Variants in CHCHD3 observed in about 807,000 individuals in gnomAD.
CHCHD3 encodes MICOS complex subunit MIC19.
A neutral mutation model predicts 38.2 loss-of-function variants in CHCHD3; 20 were observed. The ratio of observed to expected loss-of-function variants is 0.52; its 90% CI spans 0.37 to 0.76. The LOEUF (loss-of-function observed/expected upper bound fraction) is 0.76. Among genes scored for constraint, CHCHD3 ranks in the 30% least tolerant of loss-of-function variants. The probability of loss-of-function intolerance (pLI) is 0.00; values close to 1 mark genes in which losing one functional copy is unlikely to be tolerated. For synonymous variants in CHCHD3, 82 were observed against 100.0 expected (o/e 0.82, Z 1.07); for missense variants, 245 against 279.2 (o/e 0.88, Z 0.87).
At chr7:132,997,659 T>TAAAAAAAAAAAAAAAA (rs71178073) in intron 3 of CHCHD3, among the ~76,000 whole-genome samples, 2 of 81,740 alleles carry the variant, frequency 2.4e-5, no homozygotes, top group African/African-American at 4.8e-5. Flanking sequence ...AACAGGGTTG[T>TAAAAAAAAAAAAAAAA]AAAAAAAAAA....
intron 2 of CHCHD3, among the ~76,000 whole-genome samples, chr7:133,066,519 T>C (rs1381093706): frequency 1.3e-5 from 2 of 151,906 alleles, no homozygotes; most frequent in Non-Finnish European, 2.9e-5. Context: ...CCTCTCAAAG[T>C]GATGGGATTA....
chr7:133,050,620 T>A (rs1814135861), intron 2 of CHCHD3, among the ~76,000 whole-genome samples: 1 of 152,152 alleles, frequency 6.6e-6, no homozygotes. Flanking sequence ...TGAACATAGA[T>A]AGAACAACTC....
chr7:132,959,876 T>A (rs1158089229), intron 4 of CHCHD3, among the ~76,000 whole-genome samples: 3 of 152,134 alleles, frequency 2.0e-5, no homozygotes, highest in Non-Finnish European at 4.4e-5. Flanking sequence ...AAATACCCCC[T>A]TTCATAAATC....
intron 4 of CHCHD3, chr7:132,972,861 T>A (rs2117327876): frequency 1.0e-6 from 1 of 985,382 alleles, no homozygotes; most frequent in Middle Eastern, 5.2e-4. Context: ...GATCTACAAA[T>A]CAGAATGTAC....
chr7:132,805,451 C>A (rs1215420330), intron 6 of CHCHD3, among the ~76,000 whole-genome samples: 5 of 151,934 alleles, frequency 3.3e-5, no homozygotes, highest in Non-Finnish European at 7.4e-5. Flanking sequence ...GAGGTCCAGG[C>A]TCAATCGAGT....
intron 6 of CHCHD3, among the ~76,000 whole-genome samples, chr7:132,808,942 C>A (rs1381911259): frequency 6.9e-6 from 1 of 144,428 alleles, no homozygotes; most frequent in Non-Finnish European, 1.5e-5. Flanking sequence ...GAACAAAAAA[C>A]CTTTTTTTAA....
chr7:132,838,059 CTA>C (rs1807835068), intron 6 of CHCHD3, among the ~76,000 whole-genome samples: 1 of 152,146 alleles, frequency 6.6e-6, no homozygotes, highest in African/African-American at 2.4e-5. Flanking sequence ...TGAATGGTTT[CTA>C]TGTTTCCCTT....
intron 5 of CHCHD3, among the ~76,000 whole-genome samples, chr7:132,858,390 A>C (rs1454677751): frequency 6.6e-6 from 1 of 151,962 alleles, no homozygotes; most frequent in Non-Finnish European, 1.5e-5. Context: ...CTTTAGTTTC[A>C]CTTCTCTTGA....
intron 4 of CHCHD3, among the ~76,000 whole-genome samples, chr7:132,951,902 C>A (rs778644795): frequency 3.3e-5 from 5 of 152,152 alleles, no homozygotes; most frequent in Non-Finnish European, 5.9e-5. Flanking sequence ...TAAATCATGT[C>A]TTTTGTCTCT....
chr7:132,890,354 A>G (rs1936837743), intron 4 of CHCHD3, among the ~76,000 whole-genome samples: 1 of 152,198 alleles, frequency 6.6e-6, no homozygotes, highest in Non-Finnish European at 1.5e-5. Context: ...TTATGAATAT[A>G]ACATACTGGG....
At chr7:133,070,292 A>T in intron 1 of CHCHD3, 63 bp from the exon 2 acceptor site, 2 of 1,351,886 alleles carry the variant, frequency 1.5e-6, no homozygotes, top group Middle Eastern at 1.8e-4. Context: ...CCAGTGCAAT[A>T]ACATCCAAGT....
rs553513789 is a variant in CHCHD3 at position 133,082,033 on chromosome 7, T to C, written c.-96A>G. On this transcript the variant is annotated 5_prime_UTR_variant, in exon 1 of 8. Transcript: ENST00000262570. ...GCGCGTGGAAGGGCCTGGATTCTTT[T>C]CCCGCACAGCGGGAGCAAGGCCACG... The C allele has an allele frequency of 5.1e-6, 6 of 1,169,536 alleles. No individual in the cohort carries two copies. The South Asian group carries it at 8.0e-5, about 16-fold the overall frequency. The allele number at this position is 1,169,536 out of a possible 1,614,324, so 72.4% of individuals were successfully genotyped here.
At chr7:132,979,380 T>C (rs1811857806) in intron 3 of CHCHD3, among the ~76,000 whole-genome samples, 1 of 152,148 alleles carries the variant, frequency 6.6e-6, no homozygotes, top group Non-Finnish European at 1.5e-5. Flanking sequence ...AATTACTAGG[T>C]GAAAGGGACT....
At chr7:133,032,372 C>A (rs1235086237) in intron 2 of CHCHD3, among the ~76,000 whole-genome samples, 1 of 152,124 alleles carries the variant, frequency 6.6e-6, no homozygotes, top group Non-Finnish European at 1.5e-5. Context: ...AATGAAAGTT[C>A]TGCACTGCAC....
rs114020851 is a variant in CHCHD3 at position 133,041,952 on chromosome 7, T to G, written c.170-17325A>C. Among the ~76,000 whole-genome samples the G allele has an allele frequency of 2.4e-3, 367 of 152,290 alleles. 1 individual carries two copies. Among genetic ancestry groups the G allele is most frequent in the African/African-American group, 7.9e-3 (330 of 41,560 alleles). Reference sequence around the variant, plus strand: ...CTATCAGCTAAAAAATAAACATAGTTCAGGTCTAAAGCAGTCTGCCTGGGC... The same window carrying G: ...CTATCAGCTAAAAAATAAACATAGTGCAGGTCTAAAGCAGTCTGCCTGGGC... On this transcript the variant is annotated intron_variant, in intron 2 of 7. Coordinates refer to ENST00000262570, the MANE Select transcript of CHCHD3 (RefSeq NM_017812.4).
At chr7:132,885,512 G>A (rs1247935315) in intron 5 of CHCHD3, 150 bp downstream of exon 5, 3 of 595,766 alleles carry the variant, frequency 5.0e-6, no homozygotes, top group East Asian at 3.2e-5. Context: ...TTGTTACAGA[G>A]GACGAACTAA....
chr7:132,990,310 G>A (rs1378182823), intron 3 of CHCHD3, among the ~76,000 whole-genome samples: 1 of 152,120 alleles, frequency 6.6e-6, no homozygotes, highest in East Asian at 1.9e-4. Flanking sequence ...CACTGGAATG[G>A]GCACTGCTGC....
chr7:132,971,594 A>T (rs1811613415), intron 4 of CHCHD3, among the ~76,000 whole-genome samples: 1 of 152,156 alleles, frequency 6.6e-6, no homozygotes, highest in Non-Finnish European at 1.5e-5. Flanking sequence ...CAGAAACCTA[A>T]ATGTCAGCTG....
In CHCHD3 at chr7:133,024,606, C is replaced by A. The variant is rs745407361; in HGVS notation, c.191G>T (p.Arg64Ile). 1.3e-5 allele frequency: 21 copies of A among 1,612,972 alleles called. 1 individual carries two copies. In the South Asian group the frequency reaches 2.1e-4, roughly 16 times the overall value. Residue 64 changes from arginine to isoleucine, a missense_variant, in exon 3 of 8, where the codon AGA becomes ATA. Arg to Ile is a moderately conservative substitution (Grantham distance 97, BLOSUM62 -3). Coordinates refer to ENST00000262570, the MANE Select transcript of CHCHD3 (RefSeq NM_017812.4). ...GASVSDEELK[R>I]RVAEELALEQ... The stretch of plus-strand genomic sequence containing the variant: ...CAATGCCAGCTCCTCAGCTACTCTT[C>A]TTTTCAATTCTTCATCAGAAACTAG...
Sources: gnomAD v4.1 joint callset for allele counts (sites outside exome capture counted in the v4.1 genomes callset) on GRCh38, gnomAD v4.1.1 for gene constraint, MANE v1.5 for transcripts, NCBI Gene and HGNC (gene_info 2026-07-23, HGNC 2026-07-21) for gene names.